DSCAML1: variants seen among roughly 807,000 people sequenced by gnomAD.
DSCAML1 encodes cell adhesion molecule DSCAML1.
A neutral mutation model predicts 200.5 loss-of-function variants in DSCAML1; 38 were observed. The observed-to-expected ratio is 0.19, with a 90% CI of 0.15 to 0.25. The LOEUF (loss-of-function observed/expected upper bound fraction) is 0.25. DSCAML1 is among the 10% of genes least tolerant of loss of function. DSCAML1 has a pLI of 1.00. For synonymous variants in DSCAML1, 1,215 were observed against 1,165.0 expected, an observed-to-expected ratio of 1.04 and a Z score of -0.87; for missense variants, 2,223 against 2,858.8, an observed-to-expected ratio of 0.78 and a Z score of 5.07.
intron 3 of DSCAML1, among the ~76,000 whole-genome samples, chr11:117,541,912 C>T (rs964590310): frequency 6.6e-6 from 1 of 152,164 alleles, no homozygotes; most frequent in African/African-American, 2.4e-5. Context: ...AAATGCTACC[C>T]CCAGCCCGAA....
At chr11:117,433,388 C>T (rs1397989297) in intron 28 of DSCAML1, 53 bp downstream of exon 28, 1 of 1,609,016 alleles carries the variant, frequency 6.2e-7, no homozygotes, top group East Asian at 2.2e-5. Flanking sequence ...CTGGGTCCTC[C>T]TCAGGACAGA....
intron 18 of DSCAML1, 75 bp downstream of exon 18, chr11:117,461,375 A>G: frequency 6.3e-7 from 1 of 1,596,714 alleles, no homozygotes; most frequent in Non-Finnish European, 8.6e-7. Flanking sequence ...GCTCAGCTCT[A>G]ACTACGCCTG....
At chr11:117,475,081 T>C (rs1489211300) in intron 14 of DSCAML1, among the ~76,000 whole-genome samples, 1 of 152,042 alleles carries the variant, frequency 6.6e-6, no homozygotes, top group Non-Finnish European at 1.5e-5. Flanking sequence ...ATCCTTCCGC[T>C]TCCCTCCATC....
At chr11:117,486,815 G>C (rs1025028788) in intron 11 of DSCAML1, among the ~76,000 whole-genome samples, 1 of 138,090 alleles carries the variant, frequency 7.2e-6, no homozygotes, top group African/African-American at 2.7e-5. Context: ...ATGGGCACTT[G>C]AAATACAGCC....
At chr11:117,751,374 C>T (rs970059145) in intron 3 of DSCAML1, among the ~76,000 whole-genome samples, 2 of 150,708 alleles carry the variant, frequency 1.3e-5, no homozygotes, top group African/African-American at 2.4e-5. Context: ...ACAGCAAAGG[C>T]GATACGCTCA....
intron 3 of DSCAML1, among the ~76,000 whole-genome samples, chr11:117,618,168 T>C (rs932090929): frequency 6.6e-6 from 1 of 152,172 alleles, no homozygotes; most frequent in Admixed American, 6.5e-5. Flanking sequence ...TTTCATAAAG[T>C]TATAGACATG....
intron 16 of DSCAML1, among the ~76,000 whole-genome samples, chr11:117,467,486 T>A (rs143620359): frequency 2.0e-5 from 3 of 152,198 alleles, no homozygotes; most frequent in African/African-American, 7.2e-5. Context: ...TAAAAACAAT[T>A]AAGTTAGTAA....
intron 1 of DSCAML1, among the ~76,000 whole-genome samples, chr11:117,808,100 G>A (rs547479222): frequency 1.2e-4 from 18 of 152,332 alleles, no homozygotes; most frequent in African/African-American, 3.4e-4. Context: ...GATTACAGGC[G>A]TGAGCTACCG....
chr11:117,610,541 G>C (rs1306068281), intron 3 of DSCAML1, among the ~76,000 whole-genome samples: 4 of 152,068 alleles, frequency 2.6e-5, no homozygotes, highest in African/African-American at 9.7e-5. Context: ...GGAGTGGTGA[G>C]AACAGACGGT....
At position 117,721,768 on chromosome 11, in the gene DSCAML1, A is replaced by G. The variant is rs904368434; in HGVS notation, c.511+55023T>C. ...TCATATATAAATACATCATATAGAA[A>G]ATATATAAATATATGATATATATGA... On this transcript the variant is annotated intron_variant, in intron 3 of 32. Coordinates refer to ENST00000651296, the MANE Select transcript of DSCAML1 (RefSeq NM_020693.4). Among the ~76,000 whole-genome samples, 15 of 147,718 alleles carry G rather than the reference A, an allele frequency of 1.0e-4. 1 individual carries two copies. Among genetic ancestry groups the G allele is most frequent in the African/African-American group, 1.7e-4 (7 of 40,734 alleles).
intron 3 of DSCAML1, among the ~76,000 whole-genome samples, chr11:117,630,446 G>A (rs1347245749): frequency 6.6e-6 from 1 of 152,046 alleles, no homozygotes; most frequent in Non-Finnish European, 1.5e-5. Flanking sequence ...GAAAGGCATG[G>A]GAGAGAGGCA....
At chr11:117,584,954 A>G (rs474749) in intron 3 of DSCAML1, among the ~76,000 whole-genome samples, 91,522 of 152,124 alleles carry the variant, frequency 0.6, 29,005 homozygotes, top group Non-Finnish European at 0.69. Flanking sequence ...ACAAGTGTCC[A>G]ATACATATTA....
chr11:117,581,606 A>G (rs906658539), intron 3 of DSCAML1, among the ~76,000 whole-genome samples: 9 of 152,204 alleles, frequency 5.9e-5, no homozygotes, highest in Non-Finnish European at 1.2e-4. Flanking sequence ...CTGAACATTA[A>G]GCATTGTGAT....
intron 11 of DSCAML1, 113 bp from the exon 12 acceptor site, chr11:117,482,275 C>A: frequency 7.8e-7 from 1 of 1,274,938 alleles, no homozygotes; most frequent in Non-Finnish European, 1.1e-6. Context: ...AGGAGAGGCT[C>A]CAATAAAGGA....
At chr11:117,567,146 A>T (rs1034898711) in intron 3 of DSCAML1, among the ~76,000 whole-genome samples, 4 of 152,228 alleles carry the variant, frequency 2.6e-5, no homozygotes, top group South Asian at 2.1e-4. Flanking sequence ...TCCCTGAGGA[A>T]TCGCCACACT....
intron 3 of DSCAML1, among the ~76,000 whole-genome samples, chr11:117,598,896 A>G (rs774316010): frequency 6.6e-6 from 1 of 152,176 alleles, no homozygotes; most frequent in Non-Finnish European, 1.5e-5. Context: ...TTTTAGTGGT[A>G]TATTTTTTTG....
At chr11:117,440,700 T>C (rs764394490) in intron 21 of DSCAML1, among the ~76,000 whole-genome samples, 1 of 151,662 alleles carries the variant, frequency 6.6e-6, no homozygotes, top group Non-Finnish European at 1.5e-5. Flanking sequence ...TCACCTGAGG[T>C]TGAAGTCAGA....
At chr11:117,695,353 T>C (rs2053573185) in intron 3 of DSCAML1, among the ~76,000 whole-genome samples, 1 of 139,946 alleles carries the variant, frequency 7.1e-6, no homozygotes, top group Non-Finnish European at 1.5e-5. Context: ...ACCTGCAGAA[T>C]AGATTTGAAA....
At position 117,428,692 on chromosome 11, in the gene DSCAML1, A is replaced by G; in HGVS notation, c.5798T>C (p.Leu1933Pro). The G allele has an allele frequency of 6.2e-7, 1 of 1,613,098 alleles. No individual in the cohort carries two copies. Among genetic ancestry groups the G allele is most frequent in the Non-Finnish European group, 8.5e-7 (1 of 1,179,710 alleles). The stretch of plus-strand genomic sequence containing the variant: ...AGCCTGGGTGTGGTAGGTTCGAGCC[A>G]GGTTCCGGATGGAGGCCTCACGGGG... Reference protein sequence around the residue: ...VPPREASIRNLARTYHTQARH... With the variant: ...VPPREASIRNPARTYHTQARH... The change falls in exon 33 of 33, where the codon CTG (leucine) becomes CCG (proline). Residue 1933 changes from leucine (L) to proline (P), a missense_variant. Around this residue, in one of 7 missense-constraint regions of DSCAML1, gnomAD observed 280 missense variants for 213.4 expected, o/e 1.31. Coordinates refer to ENST00000651296, the MANE Select transcript of DSCAML1 (RefSeq NM_020693.4).
Sources: gnomAD v4.1 joint callset for allele counts (sites outside exome capture counted in the v4.1 genomes callset) on GRCh38, gnomAD v4.1.1 for gene constraint, gnomAD v4.1.1 regional missense constraint, MANE v1.5 for transcripts, NCBI Gene and HGNC (gene_info 2026-07-23, HGNC 2026-07-21) for gene names.